CTIF: variants seen among roughly 807,000 people sequenced by gnomAD.
The protein encoded by CTIF is cap binding complex dependent translation initiation factor.
In CTIF, 21 loss-of-function variants were observed where a neutral mutation model predicts 66.0. The observed-to-expected ratio is 0.32, with a 90% CI of 0.23 to 0.46. CTIF has a LOEUF of 0.46. Among genes scored for constraint, CTIF ranks in the 20% least tolerant of loss-of-function variants. The probability of loss-of-function intolerance (pLI) is 1.00; values close to 1 mark genes in which losing one functional copy is unlikely to be tolerated. For synonymous variants in CTIF, 345 were observed against 326.4 expected (o/e 1.06, Z -0.62); for missense variants, 739 against 812.7 (o/e 0.91, Z 1.10).
chr18:48,620,717 C>A (rs551740758), intron 2 of CTIF, among the ~76,000 whole-genome samples: 1 of 152,204 alleles, frequency 6.6e-6, no homozygotes, highest in Non-Finnish European at 1.5e-5. Context: ...GCCTCTCGTG[C>A]GTGTTATCCC....
chr18:48,777,260 C>T (rs909983489), intron 9 of CTIF, among the ~76,000 whole-genome samples: 22 of 152,204 alleles, frequency 1.4e-4, no homozygotes, highest in Non-Finnish European at 3.1e-4. Context: ...GCAGGGGGCA[C>T]CAGTGTGCAA....
intron 9 of CTIF, among the ~76,000 whole-genome samples, chr18:48,771,963 A>G (rs577503831): frequency 9.9e-5 from 15 of 152,006 alleles, no homozygotes; most frequent in African/African-American, 3.4e-4. Flanking sequence ...GATGGAAAAA[A>G]TCTCCCTGCG....
rs375715220 is a variant in CTIF, at chr18:48,552,045, G to T, written c.-29+12733G>T. Among the ~76,000 whole-genome samples, 14 of 152,144 alleles carry T rather than the reference G, an allele frequency of 9.2e-5. No homozygotes were observed. In the East Asian group the frequency reaches 2.5e-3, roughly 27 times the overall value. On this transcript the variant is annotated intron_variant, in intron 1 of 11. Coordinates refer to ENST00000256413, the MANE Select transcript of CTIF (RefSeq NM_014772.3). ...TCTCTATCTCCTGACCTCGTGATCC[G>T]CCCGCCTAGGCCTCCCAAAGTGCTG... is the stretch of plus-strand genomic sequence containing the variant.
intron 1 of CTIF, among the ~76,000 whole-genome samples, chr18:48,572,227 G>A (rs1032982526): frequency 6.6e-6 from 1 of 151,960 alleles, no homozygotes; most frequent in African/African-American, 2.4e-5. Context: ...CATTACAGAT[G>A]GTACTCTGTT....
At chr18:48,617,138 G>A (rs1337747256) in intron 1 of CTIF, among the ~76,000 whole-genome samples, 1 of 152,192 alleles carries the variant, frequency 6.6e-6, no homozygotes, top group Non-Finnish European at 1.5e-5. Flanking sequence ...CATTGCAGAT[G>A]TAGGATGAGG....
At chr18:48,592,858 A>AG (rs2089916306) in intron 1 of CTIF, among the ~76,000 whole-genome samples, 2 of 152,334 alleles carry the variant, frequency 1.3e-5, no homozygotes, top group South Asian at 4.1e-4. Flanking sequence ...CCAGGGAAAG[A>AG]GGAACAAAGG....
intron 10 of CTIF, among the ~76,000 whole-genome samples, chr18:48,857,381 C>G (rs1296691919): frequency 6.6e-6 from 1 of 152,236 alleles, no homozygotes; most frequent in African/African-American, 2.4e-5. Context: ...CTGCTCTAAC[C>G]CTGTCGGAGA....
rs370881027 is a variant in CTIF, at chr18:48,843,148, G to A, written c.1528-14440G>A. Among the ~76,000 whole-genome samples the A allele has an allele frequency of 2.2e-4, 33 of 151,778 alleles. No homozygotes were observed. The South Asian group carries it at 4.8e-3, about 22-fold the overall frequency. ...CCCAAACTATCCCCTGTCTCAAGGA[G>A]CTCTGTTGTGCAGAGTCAGACATAC... On this transcript the variant is annotated intron_variant, in intron 10 of 11. Transcript: ENST00000256413.
chr18:48,664,880 A>G (rs1014331863), intron 5 of CTIF, among the ~76,000 whole-genome samples: 10 of 149,686 alleles, frequency 6.7e-5, no homozygotes, highest in African/African-American at 2.2e-4. Context: ...GTGATTCCGT[A>G]GGTGTGGACT....
chr18:48,796,299 G>A (rs1259753731), intron 9 of CTIF, among the ~76,000 whole-genome samples: 2 of 151,918 alleles, frequency 1.3e-5, no homozygotes, highest in African/African-American at 4.8e-5. Context: ...TCAGCCTCCC[G>A]AGTAGCTGGG....
intron 1 of CTIF, among the ~76,000 whole-genome samples, chr18:48,578,395 C>T (rs376165456): frequency 1.2e-4 from 18 of 152,300 alleles, no homozygotes; most frequent in East Asian, 3.9e-4. Flanking sequence ...TTTTGAAGAA[C>T]GCCAGGTTGT....
intron 10 of CTIF, among the ~76,000 whole-genome samples, chr18:48,840,847 G>A (rs2068922951): frequency 6.6e-6 from 1 of 151,732 alleles, no homozygotes; most frequent in Non-Finnish European, 1.5e-5. Context: ...CCCAGCTCCT[G>A]CCACAAGGCT....
At chr18:48,719,900 T>C (rs1450712989) in intron 7 of CTIF, among the ~76,000 whole-genome samples, 1 of 152,216 alleles carries the variant, frequency 6.6e-6, no homozygotes, top group Non-Finnish European at 1.5e-5. Flanking sequence ...AGGCATGAGT[T>C]ATAGTGCTGT....
At chr18:48,832,443 G>C (rs1486240506) in intron 10 of CTIF, among the ~76,000 whole-genome samples, 1 of 152,146 alleles carries the variant, frequency 6.6e-6, no homozygotes, top group Non-Finnish European at 1.5e-5. Context: ...TGCTAAAGAG[G>C]GGGAAAAGGT....
intron 1 of CTIF, among the ~76,000 whole-genome samples, chr18:48,586,429 C>A (rs2089770636): frequency 6.6e-6 from 1 of 152,104 alleles, no homozygotes. Context: ...TGCCACCATG[C>A]CCGGCTAATT....
chr18:48,584,555 C>T (rs185797048), intron 1 of CTIF, among the ~76,000 whole-genome samples: 1 of 152,306 alleles, frequency 6.6e-6, no homozygotes, highest in East Asian at 1.9e-4. Context: ...ATAAGCTCTC[C>T]AGTTGCACAC....
At chr18:48,751,115 G>A (rs1598976014) in intron 7 of CTIF, among the ~76,000 whole-genome samples, 1 of 152,350 alleles carries the variant, frequency 6.6e-6, no homozygotes, top group East Asian at 1.9e-4. Context: ...TGCTAGCTAT[G>A]AACCATTCTT....
At chr18:48,833,216 G>GC (rs2068732583) in intron 10 of CTIF, among the ~76,000 whole-genome samples, 1 of 152,190 alleles carries the variant, frequency 6.6e-6, no homozygotes, top group Non-Finnish European at 1.5e-5. Flanking sequence ...TAGATGAGGT[G>GC]CGGCTGGCTG....
chr18:48,626,588 C>T (rs2144513802), intron 2 of CTIF, among the ~76,000 whole-genome samples: 1 of 144,236 alleles, frequency 6.9e-6, no homozygotes, highest in Admixed American at 6.7e-5. Context: ...ACTTGTGATC[C>T]CCTCCCATGG....
Sources: gnomAD v4.1 joint callset for allele counts (sites outside exome capture counted in the v4.1 genomes callset) on GRCh38, gnomAD v4.1.1 for gene constraint, MANE v1.5 for transcripts, NCBI Gene and HGNC (gene_info 2026-07-23, HGNC 2026-07-21) for gene names.